BABAM2: variants seen among roughly 807,000 people sequenced by gnomAD.
The protein encoded by BABAM2 is BRISC and BRCA1-A complex member 2.
A neutral mutation model predicts 54.7 loss-of-function variants in BABAM2; 31 were observed. The observed-to-expected ratio is 0.57, with a 90% confidence interval of 0.43 to 0.77. The LOEUF (loss-of-function observed/expected upper bound fraction) is 0.77, where lower values mean the gene tolerates loss of function less well. Among genes scored for constraint, BABAM2 ranks in the 30% least tolerant of loss-of-function variants. The pLI, the probability that BABAM2 is intolerant of heterozygous loss-of-function variation, is 0.00. For missense variants in BABAM2, 364 were observed against 455.8 expected, an observed-to-expected ratio of 0.80 and a Z score of 1.83; for synonymous variants, 167 against 162.9, an observed-to-expected ratio of 1.03 and a Z score of -0.19.
chr2:28,333,438 G>A (rs1331612645), intron 11 of BABAM2, among the ~76,000 whole-genome samples: 1 of 152,108 alleles, frequency 6.6e-6, no homozygotes, highest in Non-Finnish European at 1.5e-5. Flanking sequence ...TGGGCCCAAG[G>A]CCCACAAAAG....
chr2:27,984,515 A>G (rs1344476429), intron 3 of BABAM2, among the ~76,000 whole-genome samples: 3 of 152,132 alleles, frequency 2.0e-5, no homozygotes, highest in African/African-American at 7.2e-5. Flanking sequence ...AGGTGGTTGT[A>G]CTACTTTTGA....
Position 28,322,906 on chromosome 2 carries a change from C to T in BABAM2, c.1089-15544C>T, listed in dbSNP as rs1359164380. Among the ~76,000 whole-genome samples the T allele has an allele frequency of 6.6e-6, 1 of 152,240 alleles. No individual in the cohort carries two copies. The highest frequency in any genetic ancestry group is 1.5e-5 in the Non-Finnish European group (1 of 68,040). Reference sequence around the variant, plus strand: ...ATTATCATTATTGTCATTAAAGGGGCTAGACGTCTGGCCTGCTGGATAATA... The same window carrying T: ...ATTATCATTATTGTCATTAAAGGGGTTAGACGTCTGGCCTGCTGGATAATA... On this transcript the variant is annotated intron_variant, in intron 11 of 11. Transcript: ENST00000379624. The surrounding 1 kb of genome is among the most constrained non-coding windows in gnomAD (Gnocchi z 4.1).
intron 10 of BABAM2, among the ~76,000 whole-genome samples, chr2:28,249,525 G>C (rs1683243101): frequency 6.6e-6 from 1 of 152,174 alleles, no homozygotes. Flanking sequence ...TTCTTGTCTA[G>C]TTGATGAGAA....
chr2:28,241,230 ATTCT>A (rs1229024780), intron 8 of BABAM2, 89 bp from the exon 9 acceptor site: 13 of 1,260,234 alleles, frequency 1.0e-5, no homozygotes, highest in Non-Finnish European at 1.5e-5. Context: ...TCACTTTACT[ATTCT>A]TTCTGCTTCT....
intron 6 of BABAM2, among the ~76,000 whole-genome samples, chr2:28,072,192 G>A (rs1476408806): frequency 6.9e-6 from 1 of 145,256 alleles, no homozygotes; most frequent in Non-Finnish European, 1.5e-5. Flanking sequence ...TTTTTTTTTT[G>A]AGATGAAGTC....
chr2:27,977,904 T>C (rs1671712388), intron 3 of BABAM2, among the ~76,000 whole-genome samples: 1 of 152,154 alleles, frequency 6.6e-6, no homozygotes, highest in East Asian at 1.9e-4. Context: ...TACAGATAAA[T>C]TAAACTTGTC....
At chr2:27,917,403 C>T (rs1667059184) in intron 2 of BABAM2, among the ~76,000 whole-genome samples, 1 of 152,062 alleles carries the variant, frequency 6.6e-6, no homozygotes, top group Admixed American at 6.5e-5. Context: ...TTATAAACAG[C>T]AGAAGTTTAT....
intron 7 of BABAM2, among the ~76,000 whole-genome samples, chr2:28,207,665 G>A (rs1679014083): frequency 6.7e-6 from 1 of 149,872 alleles, no homozygotes; most frequent in African/African-American, 2.4e-5. Flanking sequence ...TTTGAACATT[G>A]GTACTTGAGG....
intron 2 of BABAM2, among the ~76,000 whole-genome samples, chr2:27,920,295 A>G (rs1331003457): frequency 6.6e-6 from 1 of 152,160 alleles, no homozygotes; most frequent in Non-Finnish European, 1.5e-5. Flanking sequence ...AAGGCTGAAT[A>G]TGTAAGATTC....
intron 1 of BABAM2, chr2:27,891,114 C>G (rs1336304635): frequency 1.3e-5 from 2 of 152,270 alleles, no homozygotes; most frequent in Non-Finnish European, 2.9e-5. Flanking sequence ...GGGAATCATA[C>G]AGTTTGGAAG....
intron 4 of BABAM2, among the ~76,000 whole-genome samples, chr2:27,994,795 C>A (rs1028227113): frequency 6.6e-6 from 1 of 152,128 alleles, no homozygotes; most frequent in Non-Finnish European, 1.5e-5. Flanking sequence ...CACATGTATC[C>A]ATTCCTGATG....
rs1041884000 is a variant in BABAM2, at chr2:28,259,785, G to GT, written c.934+14933dup. The stretch of plus-strand genomic sequence containing the variant: ...TGTATGGTATAAGGTAAGGGACATG[G>GT]TTTTTTTTTTCTGTACTAATATCCA... On this transcript the variant is annotated intron_variant, in intron 10 of 11. Transcript: ENST00000379624. Among the ~76,000 whole-genome samples, 272 of 148,308 alleles carry GT rather than the reference G, an allele frequency of 1.8e-3. 3 individuals are homozygous for GT. Among genetic ancestry groups the GT allele is most frequent in the African/African-American group, 6.1e-3 (248 of 40,612 alleles).
At position 28,175,322 on chromosome 2, in the gene BABAM2, G is replaced by A. The variant is rs76971175; in HGVS notation, c.680+45942G>A. Among the ~76,000 whole-genome samples, 827 of 152,152 alleles carry A rather than the reference G, an allele frequency of 5.4e-3. 28 individuals carry two copies. The East Asian group carries it at 0.096, about 18-fold the overall frequency. ...ATAACTACCACTGCTGCCACCACCC[G>A]AGCACTCCACCTGGGGGCCTGAGGA... On this transcript the variant is annotated intron_variant, in intron 7 of 11. Transcript: ENST00000379624.
intron 2 of BABAM2, among the ~76,000 whole-genome samples, chr2:27,899,594 T>G (rs1268405637): frequency 6.6e-6 from 1 of 151,926 alleles, no homozygotes; most frequent in Non-Finnish European, 1.5e-5. Context: ...TGCCTCAGCC[T>G]CCTGAGTAGC....
intron 7 of BABAM2, chr2:28,134,688 A>G (rs1359520611): frequency 6.6e-6 from 1 of 152,252 alleles, no homozygotes; most frequent in Non-Finnish European, 1.5e-5. Context: ...ACGAACGCTC[A>G]CTATTATTGA....
chr2:28,088,244 A>G (rs1399463911), intron 6 of BABAM2, among the ~76,000 whole-genome samples: 1 of 152,174 alleles, frequency 6.6e-6, no homozygotes, highest in Non-Finnish European at 1.5e-5. Context: ...ACAAGTGTGT[A>G]TCTATAATTA....
At chr2:28,025,526 C>T (rs746535805) in intron 5 of BABAM2, 106 bp downstream of exon 5, 8 of 1,094,754 alleles carry the variant, frequency 7.3e-6, no homozygotes, top group Non-Finnish European at 8.8e-6. Flanking sequence ...TAAACATGGT[C>T]CAGGTAGCCT....
At chr2:28,249,678 C>T (rs1394445939) in intron 10 of BABAM2, among the ~76,000 whole-genome samples, 3 of 152,162 alleles carry the variant, frequency 2.0e-5, no homozygotes, top group African/African-American at 4.8e-5. Context: ...TTCTTTCTCT[C>T]TCTCCAGACT....
chr2:28,075,850 T>C (rs2148665017), intron 6 of BABAM2, among the ~76,000 whole-genome samples: 1 of 152,324 alleles, frequency 6.6e-6, no homozygotes, highest in East Asian at 1.9e-4. Context: ...TTCCACATTG[T>C]CTCATGTATT....
Sources: gnomAD v4.1 joint callset for allele counts (sites outside exome capture counted in the v4.1 genomes callset) on GRCh38, gnomAD v4.1.1 for gene constraint, Gnocchi (gnomAD v3.1) non-coding constraint, MANE v1.5 for transcripts, NCBI Gene and HGNC (gene_info 2026-07-23, HGNC 2026-07-21) for gene names.